The following RBFOX3 variants were observed in gnomAD, a reference collection of about 807,000 sequenced individuals.
RBFOX3 encodes the protein RNA binding fox-1 homolog 3, also known as RNA binding protein fox-1 homolog 3.
Under a neutral mutation model 48.7 loss-of-function variants are expected in RBFOX3, and 17 were observed. That is an observed-to-expected ratio of 0.35 (90% CI 0.24 to 0.52). The LOEUF is 0.52. Among genes scored for constraint, RBFOX3 ranks in the 20% least tolerant of loss-of-function variants. The pLI is 0.94. For synonymous variants in RBFOX3, 212 were observed against 209.5 expected (o/e 1.01, Z -0.10); for missense variants, 382 against 497.5 (o/e 0.77, Z 2.21).
chr17:79,228,589 G>T (rs1364015176), intron 4 of RBFOX3, among the ~76,000 whole-genome samples: 1 of 152,146 alleles, frequency 6.6e-6, no homozygotes, highest in Admixed American at 6.5e-5. Flanking sequence ...GAGGCACCAG[G>T]GACCCTCTTC....
chr17:79,126,299 G>C (rs943380387), intron 4 of RBFOX3, among the ~76,000 whole-genome samples: 1 of 152,228 alleles, frequency 6.6e-6, no homozygotes, highest in Non-Finnish European at 1.5e-5. Context: ...CCAGAGTCTG[G>C]GGTGGGGGCC....
At position 79,491,298 on chromosome 17, in the gene RBFOX3, A is replaced by G. The variant is rs376661566; in HGVS notation, c.-319-8700T>C. Among the ~76,000 whole-genome samples, 205 of 151,946 alleles carry G rather than the reference A, an allele frequency of 1.3e-3. 4 individuals are homozygous for G. In the East Asian group the frequency reaches 0.033, roughly 25 times the overall value. On this transcript the variant is annotated intron_variant, in intron 1 of 14. Coordinates refer to ENST00000693108, the MANE Select transcript of RBFOX3 (RefSeq NM_001350451.2). Reference sequence around the variant, plus strand: ...ACTAGGGGTAGCAGGAGATGAGACCAGACATATAAGTTAGAAACCAGATCA... The same window carrying G: ...ACTAGGGGTAGCAGGAGATGAGACCGGACATATAAGTTAGAAACCAGATCA...
chr17:79,644,572 T>C, the RBFOX3 span, among the ~76,000 whole-genome samples: 1 of 152,186 alleles, frequency 6.6e-6, no homozygotes, highest in East Asian at 1.9e-4. Context: ...AATCAATACT[T>C]AAAGATCAAT....
chr17:79,378,410 C>A (rs1282853713), intron 2 of RBFOX3, among the ~76,000 whole-genome samples: 1 of 152,234 alleles, frequency 6.6e-6, no homozygotes, highest in African/African-American at 2.4e-5. Flanking sequence ...CAGACCATAA[C>A]TTCCATCCCA....
At chr17:79,469,415 G>A (rs1207589524) in intron 2 of RBFOX3, among the ~76,000 whole-genome samples, 2 of 152,198 alleles carry the variant, frequency 1.3e-5, no homozygotes, top group Non-Finnish European at 2.9e-5. Flanking sequence ...ACAGGGATGT[G>A]TGTGGAGAGG....
At chr17:79,272,503 C>T (rs8078724) in intron 3 of RBFOX3, among the ~76,000 whole-genome samples, 5,228 of 152,262 alleles carry the variant, frequency 0.034, 289 homozygotes, top group African/African-American at 0.12. Context: ...GGCTGCCGGC[C>T]GGCCTGGGGA....
chr17:79,172,170 T>A, intron 4 of RBFOX3, among the ~76,000 whole-genome samples: 1 of 78,768 alleles, frequency 1.3e-5, no homozygotes, highest in African/African-American at 4.5e-5. Context: ...TGAGAGTCCG[T>A]CTCAAAAAAA....
At chr17:79,431,396 C>T (rs2068421752) in intron 2 of RBFOX3, among the ~76,000 whole-genome samples, 1 of 152,180 alleles carries the variant, frequency 6.6e-6, no homozygotes, top group Non-Finnish European at 1.5e-5. Context: ...TCACGGCAAC[C>T]TCCATCTCCC....
chr17:79,248,935 A>C (rs7207311), intron 3 of RBFOX3, among the ~76,000 whole-genome samples: 19,946 of 152,222 alleles, frequency 0.13, 1,831 homozygotes, highest in African/African-American at 0.27. Context: ...GCCCACATCC[A>C]CTGCCTCTTC....
intron 4 of RBFOX3, among the ~76,000 whole-genome samples, chr17:79,176,411 G>A (rs1165049951): frequency 1.3e-5 from 2 of 152,228 alleles, no homozygotes; most frequent in South Asian, 2.1e-4. Context: ...CATGGCATGA[G>A]CCCAGCAGCT....
intron 3 of RBFOX3, among the ~76,000 whole-genome samples, chr17:79,279,353 T>C (rs2069697156): frequency 6.6e-6 from 1 of 152,142 alleles, no homozygotes; most frequent in African/African-American, 2.4e-5. Context: ...CCTCCTCCAG[T>C]GCTTACATTC....
chr17:79,577,841 G>T lies in RBFOX3; in HGVS notation c.-320+32985C>A, dbSNP rs1366428031. Among the ~76,000 whole-genome samples, 11 of 152,340 alleles carry T rather than the reference G, an allele frequency of 7.2e-5. 1 individual carries two copies. The South Asian group carries it at 2.3e-3, about 32-fold the overall frequency. ...GTACGGTCCTCTCTGGACCAGAGCA[G>T]CATTGAGCACCCTTTGTGAAAAGCT... On this transcript the variant is annotated intron_variant, in intron 1 of 14. Transcript: ENST00000693108.
At chr17:79,533,200 T>C (rs2088112577) in intron 1 of RBFOX3, among the ~76,000 whole-genome samples, 1 of 152,238 alleles carries the variant, frequency 6.6e-6, no homozygotes, top group Admixed American at 6.5e-5. Flanking sequence ...TCATGTCTAC[T>C]TCATGGCCTC....
chr17:79,096,542 TG>T, intron 12 of RBFOX3, 110 bp downstream of exon 12: 1 of 909,356 alleles, frequency 1.1e-6, no homozygotes, highest in Non-Finnish European at 1.7e-6. Context: ...GCTTCAAGGG[TG>T]GGATGGGATG....
chr17:79,579,058 G>A (rs1231541351), intron 1 of RBFOX3, among the ~76,000 whole-genome samples: 8 of 152,160 alleles, frequency 5.3e-5, no homozygotes, highest in East Asian at 3.9e-4. Context: ...TCTCCGTCGC[G>A]TTCCCTCTTC....
intron 3 of RBFOX3, among the ~76,000 whole-genome samples, chr17:79,269,141 G>T (rs1447555267): frequency 6.6e-6 from 1 of 152,208 alleles, no homozygotes; most frequent in African/African-American, 2.4e-5. Flanking sequence ...GCAGGCACAC[G>T]CCAGGAAGAA....
chr17:79,174,060 C>T (rs1006406723), intron 4 of RBFOX3, among the ~76,000 whole-genome samples: 3 of 152,104 alleles, frequency 2.0e-5, no homozygotes, highest in African/African-American at 7.2e-5. Flanking sequence ...CACCAGGAGA[C>T]ACAGAGGAAA....
chr17:79,219,159 G>A (rs1015180336), intron 4 of RBFOX3, among the ~76,000 whole-genome samples: 3 of 152,204 alleles, frequency 2.0e-5, no homozygotes, highest in African/African-American at 7.2e-5. Context: ...GGAGTTCCAT[G>A]CTGCAGGGTA....
chr17:79,175,431 T>A (rs1197532375), intron 4 of RBFOX3, among the ~76,000 whole-genome samples: 4 of 152,146 alleles, frequency 2.6e-5, no homozygotes, highest in Non-Finnish European at 4.4e-5. Flanking sequence ...CTATGACCAC[T>A]CCCAAGGCTG....
Sources: gnomAD v4.1 joint callset for allele counts (sites outside exome capture counted in the v4.1 genomes callset) on GRCh38, gnomAD v4.1.1 for gene constraint, MANE v1.5 for transcripts, NCBI Gene and HGNC (gene_info 2026-07-23, HGNC 2026-07-21) for gene names.